The following YEATS2 variants were observed in gnomAD, a reference collection of about 807,000 sequenced individuals.
The protein encoded by YEATS2 is YEATS domain containing 2.
YEATS2 carries 77 observed loss-of-function variants against 163.2 expected under a neutral mutation model. The ratio of observed to expected loss-of-function variants is 0.47; its 90% CI spans 0.39 to 0.57. The LOEUF is 0.57. Ranked by LOEUF, YEATS2 falls within the 20% of genes least tolerant of loss-of-function variation. The pLI, the probability that YEATS2 is intolerant of heterozygous loss-of-function variation, is 0.00. For synonymous variants in YEATS2, 631 were observed against 645.1 expected (o/e 0.98, Z 0.33); for missense variants, 1,549 against 1,729.8 (o/e 0.90, Z 1.85).
At chr3:183,727,204 C>G (rs2109093405) in intron 6 of YEATS2, among the ~76,000 whole-genome samples, 1 of 151,900 alleles carries the variant, frequency 6.6e-6, no homozygotes, top group Middle Eastern at 3.4e-3. Context: ...ATACACAAAC[C>G]TGGCGAAATT....
intron 15 of YEATS2, among the ~76,000 whole-genome samples, chr3:183,770,906 A>C (rs1455272217): frequency 6.6e-6 from 1 of 152,182 alleles, no homozygotes; most frequent in Non-Finnish European, 1.5e-5. Flanking sequence ...CCATTCCTCT[A>C]TCTGTAGACG....
intron 13 of YEATS2, among the ~76,000 whole-genome samples, chr3:183,760,575 G>A (rs1721244822): frequency 6.6e-6 from 1 of 152,196 alleles, no homozygotes; most frequent in South Asian, 2.1e-4. Flanking sequence ...GCCCGCCTCA[G>A]CCTCCCAAAG....
chr3:183,752,280 C>T lies in YEATS2; in HGVS notation c.1150+27C>T, dbSNP rs559233751. 22 of 1,613,310 alleles carry T rather than the reference C, an allele frequency of 1.4e-5. No individual in the cohort carries two copies. The Middle Eastern group carries it at 6.6e-4, about 49-fold the overall frequency. ...TAATACAGCAGTTTTCCTTGCATAGCGTTGTTCTGAGGCATTCCTTTCCCA... is the reference window on the plus strand; with the variant it reads ...TAATACAGCAGTTTTCCTTGCATAGTGTTGTTCTGAGGCATTCCTTTCCCA... On this transcript the variant is annotated intron_variant, in intron 10 of 30. Coordinates refer to ENST00000305135, the MANE Select transcript of YEATS2 (RefSeq NM_018023.5).
In YEATS2 at chr3:183,810,626, C is replaced by G; in HGVS notation, c.*43C>G. On this transcript the variant is annotated 3_prime_UTR_variant, in exon 31 of 31. Transcript: ENST00000305135. The stretch of plus-strand genomic sequence containing the variant: ...GGAGAAGCAGGCTTTGAAGGCACAG[C>G]GAAGCTGTAACTGAGGACCCTGCTG... 1 of 1,574,408 alleles carries G rather than the reference C, an allele frequency of 6.4e-7. No homozygotes were observed. The highest frequency in any genetic ancestry group is 8.7e-7 in the Non-Finnish European group (1 of 1,146,476).
In YEATS2 at chr3:183,810,569, A is replaced by C. The variant is rs1261678517; in HGVS notation, c.4255A>C (p.Asn1419His). The stretch of plus-strand genomic sequence containing the variant: ...CACAAACAAACACATGGGAATATTG[A>C]ATGAGGACCAGTGAGCGGAGTGAGG... Reference protein sequence around the residue: ...FLTNKHMGILNEDQ With the variant: ...FLTNKHMGILHEDQ The change falls in exon 31 of 31, where the codon AAT becomes CAT. Residue 1419 changes from asparagine to histidine, a missense_variant. Coordinates refer to ENST00000305135, the MANE Select transcript of YEATS2 (RefSeq NM_018023.5). 2.5e-6 allele frequency: 4 copies of C among 1,614,034 alleles called. No homozygotes were observed. The highest frequency in any genetic ancestry group is 3.4e-6 in the Non-Finnish European group (4 of 1,179,920).
intron 5 of YEATS2, among the ~76,000 whole-genome samples, chr3:183,722,490 C>T (rs780094166): frequency 6.6e-5 from 10 of 151,930 alleles, no homozygotes; most frequent in Non-Finnish European, 1.3e-4. Flanking sequence ...GGGATTTCAC[C>T]GTGTTAGCCA....
intron 19 of YEATS2, among the ~76,000 whole-genome samples, chr3:183,782,788 G>T (rs1723701373): frequency 6.6e-6 from 1 of 152,160 alleles, no homozygotes; most frequent in East Asian, 1.9e-4. Context: ...ATTATTTCCA[G>T]GTTTTTTTGT....
intron 8 of YEATS2, among the ~76,000 whole-genome samples, chr3:183,743,427 C>T (rs1719182761): frequency 6.6e-6 from 1 of 151,984 alleles, no homozygotes; most frequent in Admixed American, 6.6e-5. Context: ...GCATCCTTGA[C>T]CTCCCCCGGC....
chr3:183,762,085 G>T lies in YEATS2; in HGVS notation c.1765-12G>T, dbSNP rs770967945. 46 of 1,614,072 alleles carry T rather than the reference G, an allele frequency of 2.8e-5. No homozygotes were observed. The highest frequency in any genetic ancestry group is 3.8e-5 in the Non-Finnish European group (45 of 1,179,968). On this transcript the variant is annotated splice_polypyrimidine_tract_variant and intron_variant, in intron 14 of 30. Coordinates refer to ENST00000305135, the MANE Select transcript of YEATS2 (RefSeq NM_018023.5). ...ATGGATGTTTATTCAGTGTCATTAT[G>T]TTTGTTGCAAGGTGATCATCAAACA... is the stretch of plus-strand genomic sequence containing the variant.
intron 8 of YEATS2, among the ~76,000 whole-genome samples, chr3:183,741,795 G>A (rs888089448): frequency 7.2e-5 from 11 of 151,848 alleles, no homozygotes; most frequent in East Asian, 1.9e-4. Context: ...AGAAAAAAAA[G>A]AGCTTTGATG....
chr3:183,806,661 C>G (rs1050119243), intron 27 of YEATS2: 20 of 587,336 alleles, frequency 3.4e-5, no homozygotes, highest in Non-Finnish European at 6.0e-5. Flanking sequence ...TTACATAGAT[C>G]ACACACAAGA....
intron 4 of YEATS2, among the ~76,000 whole-genome samples, chr3:183,721,665 C>G (rs1253246039): frequency 6.6e-6 from 1 of 152,192 alleles, no homozygotes; most frequent in South Asian, 2.1e-4. Flanking sequence ...CCCTACATCT[C>G]TAGCTGTTAG....
At chr3:183,808,965 T>G (rs1005560768) in intron 29 of YEATS2, 132 bp from the exon 30 acceptor site, 1 of 796,038 alleles carries the variant, frequency 1.3e-6, no homozygotes, top group African/African-American at 1.7e-5. Context: ...GGCCTTTAAT[T>G]TTTTCTTAAG....
intron 10 of YEATS2, among the ~76,000 whole-genome samples, chr3:183,752,829 G>T (rs1007749744): frequency 6.6e-6 from 1 of 151,108 alleles, no homozygotes; most frequent in African/African-American, 2.4e-5. Context: ...ATGGAGTCTT[G>T]CTCTGTTGCC....
At chr3:183,779,865 T>C (rs547379397) in intron 19 of YEATS2, among the ~76,000 whole-genome samples, 11 of 152,008 alleles carry the variant, frequency 7.2e-5, no homozygotes, top group African/African-American at 2.7e-4. Context: ...GTCCAGCTAA[T>C]TTTTGTATTT....
chr3:183,803,782 A>G (rs1156305562), intron 26 of YEATS2: 2 of 597,844 alleles, frequency 3.3e-6, no homozygotes, highest in African/African-American at 3.7e-5. Context: ...TTAAAGGCCA[A>G]ACCTAGGAGT....
In YEATS2 at chr3:183,773,730, T is replaced by C; in HGVS notation, c.2304T>C (p.Pro768=). 2 of 1,613,546 alleles carry C rather than the reference T, an allele frequency of 1.2e-6. No individual in the cohort carries two copies. Among genetic ancestry groups the C allele is most frequent in the Non-Finnish European group, 1.7e-6 (2 of 1,179,826 alleles). ...KLYLTTNSKN[P]SGKGKLLLIP... is the part of the protein sequence containing the mutation. ...ACCTAACTACAAACAGCAAGAACCCTTCAGGAAAAGGAAAACTGCTGCTGA... is the reference window on the plus strand; with the variant it reads ...ACCTAACTACAAACAGCAAGAACCCCTCAGGAAAAGGAAAACTGCTGCTGA... The change falls in exon 17 of 31, where the codon CCT becomes CCC. Residue 768 remains proline (P), a synonymous_variant. Coordinates refer to ENST00000305135, the MANE Select transcript of YEATS2 (RefSeq NM_018023.5).
At position 183,801,457 on chromosome 3, in the gene YEATS2, T is replaced by C. The variant is rs781252662; in HGVS notation, c.3431T>C (p.Ile1144Thr). The C allele has an allele frequency of 3.1e-6, 5 of 1,608,016 alleles. No homozygotes were observed. The East Asian group carries it at 8.9e-5, about 29-fold the overall frequency. Residue 1144 changes from isoleucine (I) to threonine (T), a missense_variant and splice_region_variant, in exon 25 of 31, where the codon ATA becomes ACA. Physicochemically the swap from Ile to Thr is moderately conservative, Grantham distance 89 (BLOSUM62 -1). Transcript: ENST00000305135. ...TAATTTTTTTTTATCTCTCTCAGGA[T>C]AGACCATTTAGAAACTATCCAGCAA... ...SSELGNYVIK[I>T]DHLETIQQLL... is the part of the protein sequence containing the mutation.
intron 25 of YEATS2, chr3:183,802,509 G>GTATATA (rs1553884459): frequency 1.0e-4 from 7 of 66,770 alleles, no homozygotes; most frequent in Admixed American, 1.8e-4. Flanking sequence ...GTGTGTGTGT[G>GTATATA]TATACATGTA....
Sources: gnomAD v4.1 joint callset for allele counts (sites outside exome capture counted in the v4.1 genomes callset) on GRCh38, gnomAD v4.1.1 for gene constraint, MANE v1.5 for transcripts, NCBI Gene and HGNC (gene_info 2026-07-23, HGNC 2026-07-21) for gene names.